The following PRKCA variants were observed in gnomAD, a reference collection of about 807,000 sequenced individuals.
PRKCA encodes the protein protein kinase C alpha type.
Under a neutral mutation model 87.0 loss-of-function variants are expected in PRKCA, and 27 were observed. The observed-to-expected ratio is 0.31, with a 90% confidence interval of 0.23 to 0.43. The LOEUF (loss-of-function observed/expected upper bound fraction) is 0.43. Among genes scored for constraint, PRKCA ranks in the 20% least tolerant of loss-of-function variants. The probability of loss-of-function intolerance (pLI) is 1.00; values close to 1 mark genes in which losing one functional copy is unlikely to be tolerated. For missense variants in PRKCA, 518 were observed against 852.3 expected, an observed-to-expected ratio of 0.61 and a Z score of 4.88; for synonymous variants, 329 against 311.1, an observed-to-expected ratio of 1.06 and a Z score of -0.61.
At position 66,476,143 on chromosome 17, in the gene PRKCA, G is replaced by A. The variant is rs557576270; in HGVS notation, c.206-20058G>A. 8.0e-4 allele frequency among the ~76,000 whole-genome samples: 121 copies of A among 152,176 alleles called. 1 individual carries two copies. Among genetic ancestry groups the A allele is most frequent in the African/African-American group, 2.8e-3 (116 of 41,526 alleles). Reference sequence around the variant, plus strand: ...TTGAACTCCTGACCTCAAGTGATTCGCCTGCCTCGGCCTCCCACAGTGCTG... The same window carrying A: ...TTGAACTCCTGACCTCAAGTGATTCACCTGCCTCGGCCTCCCACAGTGCTG... On this transcript the variant is annotated intron_variant, in intron 2 of 16. Transcript: ENST00000413366.
At chr17:66,441,188 A>AT (rs1913732207) in intron 2 of PRKCA, among the ~76,000 whole-genome samples, 1 of 140,646 alleles carries the variant, frequency 7.1e-6, no homozygotes, top group Non-Finnish European at 1.6e-5. Context: ...AAAAAAAAAA[A>AT]GTAAATTAGC....
chr17:66,646,346 T>C (rs1293738096), intron 5 of PRKCA, among the ~76,000 whole-genome samples: 1 of 152,160 alleles, frequency 6.6e-6, no homozygotes, highest in Non-Finnish European at 1.5e-5. Flanking sequence ...TCCTGGAGTC[T>C]TATTGGCCTA....
chr17:66,585,646 A>G (rs1454106043), intron 3 of PRKCA, among the ~76,000 whole-genome samples: 1 of 152,200 alleles, frequency 6.6e-6, no homozygotes, highest in East Asian at 1.9e-4. Context: ...GCACTTCCCC[A>G]TTCCCCATGG....
chr17:66,757,094 G>A (rs772627687), intron 13 of PRKCA, among the ~76,000 whole-genome samples: 8 of 152,158 alleles, frequency 5.3e-5, no homozygotes, highest in East Asian at 3.8e-4. Context: ...GCTAGAGATC[G>A]GAAATACTGG....
chr17:66,705,520 C>CGAA (rs1973169900), intron 8 of PRKCA, among the ~76,000 whole-genome samples: 1 of 152,240 alleles, frequency 6.6e-6, no homozygotes, highest in African/African-American at 2.4e-5. Flanking sequence ...TTCTAGTTGT[C>CGAA]TGTCTAATGA....
chr17:66,650,516 G>A lies in PRKCA; in HGVS notation c.529+5005G>A, dbSNP rs566196754. The stretch of plus-strand genomic sequence containing the variant: ...AATGGAAAAAATATCGGGTGCTTTA[G>A]AGCTGTTTCAGGAGCACGTCTCTCC... On this transcript the variant is annotated intron_variant, in intron 5 of 16. Transcript: ENST00000413366. 2.0e-5 allele frequency among the ~76,000 whole-genome samples: 3 copies of A among 152,208 alleles called. 1 individual carries two copies. In the South Asian group the frequency reaches 6.2e-4, roughly 32 times the overall value.
intron 3 of PRKCA, among the ~76,000 whole-genome samples, chr17:66,519,935 A>C (rs1467362567): frequency 2.0e-5 from 3 of 152,182 alleles, no homozygotes; most frequent in Non-Finnish European, 2.9e-5. Context: ...ATTCCTGGCA[A>C]TTCCCAGAGC....
chr17:66,441,265 G>A (rs1352363330), intron 2 of PRKCA, among the ~76,000 whole-genome samples: 2 of 151,828 alleles, frequency 1.3e-5, no homozygotes, highest in African/African-American at 4.8e-5. Flanking sequence ...GATGGCCTGA[G>A]GCCAGGAGTT....
At chr17:66,534,503 TAAAAATACA>T (rs1368864100) in intron 3 of PRKCA, among the ~76,000 whole-genome samples, 2 of 151,980 alleles carry the variant, frequency 1.3e-5, no homozygotes, top group African/African-American at 4.8e-5. Context: ...CCATCTCTAC[TAAAAATACA>T]AAAAATTAGC....
chr17:66,368,382 ATATAT>A (rs1567793155), intron 2 of PRKCA, among the ~76,000 whole-genome samples: 4 of 34,568 alleles, frequency 1.2e-4, no homozygotes, highest in African/African-American at 3.3e-4. Flanking sequence ...ATATATATAT[ATATAT>A]TTTTTTTTTT....
intron 2 of PRKCA, among the ~76,000 whole-genome samples, chr17:66,457,391 G>C (rs1304853841): frequency 6.6e-6 from 1 of 152,086 alleles, no homozygotes; most frequent in Admixed American, 6.5e-5. Flanking sequence ...AATTTGTTGA[G>C]CCTTGGTGCA....
chr17:66,440,208 CA>C (rs942040667), intron 2 of PRKCA, among the ~76,000 whole-genome samples: 4 of 152,162 alleles, frequency 2.6e-5, no homozygotes, highest in African/African-American at 9.7e-5. Context: ...AAGTGACTGA[CA>C]AGGCGAATAA....
At chr17:66,372,318 G>A (rs1332266509) in intron 2 of PRKCA, among the ~76,000 whole-genome samples, 1 of 152,170 alleles carries the variant, frequency 6.6e-6, no homozygotes, top group African/African-American at 2.4e-5. Flanking sequence ...TCACCTACAA[G>A]ATGTGCATGT....
At chr17:66,512,714 A>G (rs1332043365) in intron 3 of PRKCA, among the ~76,000 whole-genome samples, 5 of 151,748 alleles carry the variant, frequency 3.3e-5, no homozygotes, top group African/African-American at 9.7e-5. Flanking sequence ...CCCCCTTGTT[A>G]TTATTATTTT....
At chr17:66,525,196 T>C (rs1012254865) in intron 3 of PRKCA, among the ~76,000 whole-genome samples, 6 of 152,148 alleles carry the variant, frequency 3.9e-5, no homozygotes, top group Non-Finnish European at 8.8e-5. Flanking sequence ...AGAGACCACG[T>C]GGAGCAGAAA....
intron 5 of PRKCA, among the ~76,000 whole-genome samples, chr17:66,671,440 T>A (rs191725308): frequency 6.6e-6 from 1 of 152,016 alleles, no homozygotes; most frequent in African/African-American, 2.4e-5. Context: ...GTCTATAAAA[T>A]GTGGATACCA....
intron 2 of PRKCA, among the ~76,000 whole-genome samples, chr17:66,489,355 A>G (rs868327828): frequency 4.8e-3 from 63 of 13,156 alleles, no homozygotes; most frequent in African/African-American, 0.031. Flanking sequence ...AGCAGTGCAT[A>G]TATATATATA....
In PRKCA at chr17:66,406,715, C is replaced by T. The variant is rs916040177; in HGVS notation, c.206-89486C>T. Reference sequence around the variant, plus strand: ...ATGCATTCGATCAGTTGGGCTAATCCGTTTGGGTGGTTGGAGCCTGATACC... The same window carrying T: ...ATGCATTCGATCAGTTGGGCTAATCTGTTTGGGTGGTTGGAGCCTGATACC... On this transcript the variant is annotated intron_variant, in intron 2 of 16. Transcript: ENST00000413366. 8.7e-5 allele frequency among the ~76,000 whole-genome samples: 13 copies of T among 149,554 alleles called. No homozygotes were observed. In the East Asian group the frequency reaches 2.6e-3, roughly 30 times the overall value.
intron 2 of PRKCA, among the ~76,000 whole-genome samples, chr17:66,320,387 T>A (rs530879842): frequency 7.4e-4 from 113 of 152,060 alleles, no homozygotes; most frequent in Admixed American, 1.3e-3. Context: ...TTTTTTTTTT[T>A]TAAAAAAAGA....
Sources: gnomAD v4.1 joint callset for allele counts (sites outside exome capture counted in the v4.1 genomes callset) on GRCh38, gnomAD v4.1.1 for gene constraint, MANE v1.5 for transcripts, NCBI Gene and HGNC (gene_info 2026-07-23, HGNC 2026-07-21) for gene names.